NDST4: variants seen among roughly 807,000 people sequenced by gnomAD.
NDST4 encodes the protein N-heparan sulfate sulfotransferase 4.
In NDST4, 63 loss-of-function variants were observed where a neutral mutation model predicts 100.8. The observed-to-expected ratio is 0.62, with a 90% CI of 0.51 to 0.77. The LOEUF is 0.77. Ranked by LOEUF, NDST4 falls within the 30% of genes least tolerant of loss-of-function variation. The pLI is 0.00. For missense variants in NDST4, 943 were observed against 1,018.4 expected (o/e 0.93, Z 1.01); for synonymous variants, 377 against 361.8 (o/e 1.04, Z -0.48).
At chr4:114,970,326 T>C in intron 4 of NDST4, 104 bp downstream of exon 4, 1 of 1,019,614 alleles carries the variant, frequency 9.8e-7, no homozygotes, top group Non-Finnish European at 1.4e-6. Context: ...TGATATTATA[T>C]TTTATTCTAT....
intron 2 of NDST4, among the ~76,000 whole-genome samples, chr4:114,989,916 C>A (rs1726999168): frequency 2.0e-5 from 3 of 152,156 alleles, no homozygotes; most frequent in Non-Finnish European, 2.9e-5. Flanking sequence ...GTACCAGCTA[C>A]CTTTATTCTT....
At chr4:114,879,283 A>T (rs1313984305) in intron 6 of NDST4, among the ~76,000 whole-genome samples, 1 of 152,178 alleles carries the variant, frequency 6.6e-6, no homozygotes, top group East Asian at 1.9e-4. Flanking sequence ...AATAAATGCA[A>T]GTTTTATCCA....
At chr4:114,896,352 G>A (rs748673633) in intron 6 of NDST4, among the ~76,000 whole-genome samples, 5 of 152,032 alleles carry the variant, frequency 3.3e-5, no homozygotes, top group Non-Finnish European at 5.9e-5. Context: ...GGCCGGGCAC[G>A]GTGGCTCACG....
At chr4:114,829,760 A>G (rs1335536684) in intron 13 of NDST4, 30 bp downstream of exon 13, 1 of 1,512,450 alleles carries the variant, frequency 6.6e-7, no homozygotes, top group Non-Finnish European at 9.0e-7. Flanking sequence ...TATTTTTGCT[A>G]GAGTAATTCA....
At chr4:114,958,399 C>T in intron 4 of NDST4, among the ~76,000 whole-genome samples, 1 of 147,802 alleles carries the variant, frequency 6.8e-6, no homozygotes, top group East Asian at 1.9e-4. Flanking sequence ...CATCTGAGAC[C>T]CCCAGTCTCT....
chr4:115,065,610 T>C (rs927279515), intron 2 of NDST4, among the ~76,000 whole-genome samples: 1 of 152,106 alleles, frequency 6.6e-6, no homozygotes, highest in Non-Finnish European at 1.5e-5. Flanking sequence ...ATTAGTATGA[T>C]TGTATTATTG....
At chr4:114,986,018 GCA>G (rs905021423) in intron 2 of NDST4, among the ~76,000 whole-genome samples, 3 of 152,106 alleles carry the variant, frequency 2.0e-5, no homozygotes, top group Admixed American at 2.0e-4. Flanking sequence ...GGAACTAACT[GCA>G]CACAAAATGT....
At chr4:114,847,709 G>C (rs116277228) in intron 9 of NDST4, among the ~76,000 whole-genome samples, 1 of 151,734 alleles carries the variant, frequency 6.6e-6, no homozygotes, top group African/African-American at 2.4e-5. Flanking sequence ...TTTTATGTAC[G>C]TGTGTGACTA....
At chr4:115,014,451 C>T (rs777253845) in intron 2 of NDST4, among the ~76,000 whole-genome samples, 1 of 151,972 alleles carries the variant, frequency 6.6e-6, no homozygotes, top group African/African-American at 2.4e-5. Context: ...TTGGTCATGT[C>T]GAGATATATT....
intron 4 of NDST4, among the ~76,000 whole-genome samples, chr4:114,969,443 C>T (rs920091650): frequency 6.6e-6 from 1 of 151,136 alleles, no homozygotes; most frequent in African/African-American, 2.4e-5. Context: ...AGCATAGTAT[C>T]AGACAGGTAG....
chr4:114,888,798 T>C (rs1724533363), intron 6 of NDST4, among the ~76,000 whole-genome samples: 1 of 152,180 alleles, frequency 6.6e-6, no homozygotes, highest in African/African-American at 2.4e-5. Flanking sequence ...CCATAAGAAA[T>C]ACGGTATCAG....
chr4:114,996,751 G>A (rs1319475170), intron 2 of NDST4, among the ~76,000 whole-genome samples: 1 of 152,060 alleles, frequency 6.6e-6, no homozygotes. Flanking sequence ...TTCGGTATGT[G>A]TTCCTCACTA....
At chr4:115,034,242 C>T (rs1236918714) in intron 2 of NDST4, among the ~76,000 whole-genome samples, 2 of 152,064 alleles carry the variant, frequency 1.3e-5, no homozygotes, top group Non-Finnish European at 2.9e-5. Context: ...ACAGATTCCT[C>T]CTGAGACATC....
intron 2 of NDST4, among the ~76,000 whole-genome samples, chr4:115,020,331 A>T (rs1381988740): frequency 6.6e-6 from 1 of 152,132 alleles, no homozygotes; most frequent in Non-Finnish European, 1.5e-5. Flanking sequence ...AGTTGCGGAT[A>T]ATTTGGGTTA....
At position 114,873,811 on chromosome 4, in the gene NDST4, A is replaced by G. The variant is rs1482325466; in HGVS notation, c.1537-2861T>C. On this transcript the variant is annotated intron_variant, in intron 6 of 13. Transcript: ENST00000264363. ...TTCAGGATAATTATGGTTTTCCAGG[A>G]CTGAAAATAGTATGAAAAACCAGGC... Among the ~76,000 whole-genome samples the G allele has an allele frequency of 3.3e-5, 5 of 152,134 alleles. No homozygotes were observed. In the East Asian group the frequency reaches 9.6e-4, roughly 29 times the overall value.
In NDST4 at chr4:114,984,550, T is replaced by C. The variant is rs537661523; in HGVS notation, c.979-7276A>G. On this transcript the variant is annotated intron_variant, in intron 2 of 13. Coordinates refer to ENST00000264363, the MANE Select transcript of NDST4 (RefSeq NM_022569.3). ...TGTTTTATATGGTCTTTTATCATACTTAATAGCTCAATAAAAAGGTGTCTT... is the reference window on the plus strand; with the variant it reads ...TGTTTTATATGGTCTTTTATCATACCTAATAGCTCAATAAAAAGGTGTCTT... Among the ~76,000 whole-genome samples the C allele has an allele frequency of 9.8e-5, 15 of 152,290 alleles. 1 individual carries two copies. In the East Asian group the frequency reaches 2.9e-3, roughly 29 times the overall value.
chr4:114,902,393 G>A (rs755021351), intron 6 of NDST4, among the ~76,000 whole-genome samples: 12 of 151,932 alleles, frequency 7.9e-5, no homozygotes, highest in Non-Finnish European at 1.5e-4. Flanking sequence ...GAACATTTTA[G>A]ATATTTCACT....
intron 2 of NDST4, among the ~76,000 whole-genome samples, chr4:114,992,676 G>A (rs1056509412): frequency 1.3e-5 from 2 of 151,272 alleles, no homozygotes; most frequent in Non-Finnish European, 3.0e-5. Context: ...AATCTCCATT[G>A]AGCATTTTAC....
chr4:115,000,691 G>C (rs1727272312), intron 2 of NDST4, among the ~76,000 whole-genome samples: 1 of 152,056 alleles, frequency 6.6e-6, no homozygotes, highest in Non-Finnish European at 1.5e-5. Flanking sequence ...GCACTCAACT[G>C]TTGAAAACCT....
Sources: gnomAD v4.1 joint callset for allele counts (sites outside exome capture counted in the v4.1 genomes callset) on GRCh38, gnomAD v4.1.1 for gene constraint, MANE v1.5 for transcripts, NCBI Gene and HGNC (gene_info 2026-07-23, HGNC 2026-07-21) for gene names.